The following COL2A1 variants were observed in gnomAD, a reference collection of about 807,000 sequenced individuals.
COL2A1 encodes collagen type II alpha 1 chain.
Under a neutral mutation model 204.5 loss-of-function variants are expected in COL2A1, and 28 were observed. The ratio of observed to expected loss-of-function variants is 0.14; its 90% CI spans 0.10 to 0.19. The LOEUF is 0.19. COL2A1 is among the 10% of genes least tolerant of loss of function. The pLI, the probability that COL2A1 is intolerant of heterozygous loss-of-function variation, is 1.00. For synonymous variants in COL2A1, 708 were observed against 718.7 expected (o/e 0.99, Z 0.24); for missense variants, 1,388 against 2,027.5 (o/e 0.68, Z 6.06).
At position 47,973,023 on chromosome 12, in the gene COL2A1, G is replaced by T; in HGVS notation, c.*384C>A. ...CAATTGATGTTTTAAAAAATACAGAGGTGTTTGACACAGAATAGCACCATT... is the reference window on the plus strand; with the variant it reads ...CAATTGATGTTTTAAAAAATACAGATGTGTTTGACACAGAATAGCACCATT... On this transcript the variant is annotated 3_prime_UTR_variant, in exon 54 of 54. Transcript: ENST00000380518. 2.0e-6 allele frequency: 1 copy of T among 510,966 alleles called. No individual in the cohort carries two copies. The highest frequency in any genetic ancestry group is 3.4e-6 in the Non-Finnish European group (1 of 291,126). The allele number at this position is 510,966 out of a possible 1,614,324, so 31.7% of individuals were successfully genotyped here.
At chr12:47,990,444 G>A (rs1256118226) in intron 16 of COL2A1, among the ~76,000 whole-genome samples, 1 of 152,206 alleles carries the variant, frequency 6.6e-6, no homozygotes, top group African/African-American at 2.4e-5. Context: ...AAACAGCGAG[G>A]CAACCATGTG....
chr12:47,974,474 C>T, intron 52 of COL2A1, 143 bp from the exon 53 acceptor site: 1 of 1,320,370 alleles, frequency 7.6e-7, no homozygotes. Flanking sequence ...TTTTTGCTTC[C>T]AGGAGTGGAG....
At chr12:47,997,954 G>A (rs757334782) in intron 5 of COL2A1, 30 bp from the exon 6 acceptor site, 1 of 1,614,174 alleles carries the variant, frequency 6.2e-7, no homozygotes, top group Non-Finnish European at 8.5e-7. Flanking sequence ...TAAGATGACA[G>A]CAAGGCCAGG....
In COL2A1 at chr12:48,004,436, G is replaced by C; in HGVS notation, c.-115C>G. On this transcript the variant is annotated 5_prime_UTR_variant, in exon 1 of 54. Transcript: ENST00000380518. ...CTCATGCAGGAGGCCCTTGGAGCAG[G>C]AGGGGGAAGCGGGAGACCCGGCAGC... is the stretch of plus-strand genomic sequence containing the variant. 1 of 621,700 alleles carries C rather than the reference G, an allele frequency of 1.6e-6. No individual in the cohort carries two copies. Among genetic ancestry groups the C allele is most frequent in the Non-Finnish European group, 2.8e-6 (1 of 351,510 alleles). 38.5% of individuals were successfully genotyped at this position (621,700 alleles called of 1,614,324 possible).
In COL2A1 at chr12:47,976,231, G is replaced by T. The variant is rs1264525895; in HGVS notation, c.3490-161C>A. On this transcript the variant is annotated intron_variant, in intron 49 of 53. Coordinates refer to ENST00000380518, the MANE Select transcript of COL2A1 (RefSeq NM_001844.5). The surrounding 1 kb of genome is among the most constrained non-coding windows in gnomAD (Gnocchi z 4.3). ...CCTAAGTTGGTCTCTATTTGGCCAAGAACCAGCAGGATAGCTCCATGGCTT... is the reference window on the plus strand; with the variant it reads ...CCTAAGTTGGTCTCTATTTGGCCAATAACCAGCAGGATAGCTCCATGGCTT... Among the ~76,000 whole-genome samples, 4 of 152,212 alleles carry T rather than the reference G, an allele frequency of 2.6e-5. No homozygotes were observed. Among genetic ancestry groups the T allele is most frequent in the African/African-American group, 9.6e-5 (4 of 41,454 alleles).
At position 47,980,108 on chromosome 12, in the gene COL2A1, G is replaced by A. The variant is rs548808976; in HGVS notation, c.2626-46C>T. 6.7e-6 allele frequency: 10 copies of A among 1,494,810 alleles called. No homozygotes were observed. The Admixed American group carries it at 1.8e-4, about 26-fold the overall frequency. The allele number at this position is 1,494,810 out of a possible 1,614,324, so 92.6% of individuals were successfully genotyped here. ...CAGTGAGGCCCAGTGGCCCAAGGAAGACGGTGGGCTTCTGTCTGAGCCCCA... is the reference window on the plus strand; with the variant it reads ...CAGTGAGGCCCAGTGGCCCAAGGAAAACGGTGGGCTTCTGTCTGAGCCCCA... On this transcript the variant is annotated intron_variant, in intron 39 of 53. Transcript: ENST00000380518. The surrounding 1 kb of genome is among the most constrained non-coding windows in gnomAD (Gnocchi z 4.5).
rs2136526561 is a variant in COL2A1 at position 47,978,364 on chromosome 12, G to T, written c.2930C>A (p.Ala977Asp). 1.9e-6 allele frequency: 3 copies of T among 1,614,068 alleles called. No homozygotes were observed. In the East Asian group the frequency reaches 6.7e-5, roughly 36 times the overall value. Residue 977 changes from alanine to aspartate, a missense_variant, in exon 43 of 54, where the codon GCT (alanine) becomes GAT (aspartate). By Grantham distance (126) the Ala-to-Asp change is moderately radical (BLOSUM62 -2). Coordinates refer to ENST00000380518, the MANE Select transcript of COL2A1 (RefSeq NM_001844.5). The surrounding 1 kb of genome is among the most constrained non-coding windows in gnomAD (Gnocchi z 5.5). Reference protein sequence around the residue: ...AEGPPGPQGLAGQRGIVGLPG... With the variant: ...AEGPPGPQGLDGQRGIVGLPG... ...CAGACCGACGATGCCTCTCTGACCA[G>T]CCAGACCCTGGGGACCTGGTGGACC...
chr12:48,003,559 G>A (rs551674469), intron 1 of COL2A1, among the ~76,000 whole-genome samples: 1 of 152,258 alleles, frequency 6.6e-6, no homozygotes, highest in South Asian at 2.1e-4. Flanking sequence ...CAGGCGGACG[G>A]AGGGAAGTCG....
chr12:47,984,281 C>G, intron 28 of COL2A1, 141 bp from the exon 29 acceptor site: 1 of 821,968 alleles, frequency 1.2e-6, no homozygotes. Context: ...CCACACCTTC[C>G]CCTCCCTTCC....
rs758882426 is a variant in COL2A1 at position 47,985,576 on chromosome 12, G to T, written c.1692C>A (p.Gly564=). The change falls in exon 26 of 54, where the codon GGC becomes GGA. Residue 564 remains glycine, a synonymous_variant. Transcript: ENST00000380518. ...CTTGAGGACCAGCATCACCAGGGCG[G>T]CCAGTGAGACCCTTTGTTCAGGAGA... is the stretch of plus-strand genomic sequence containing the variant. ...PGLPGARGLT[G]RPGDAGPQGK... 3.7e-6 allele frequency: 6 copies of T among 1,613,984 alleles called. 1 individual carries two copies.
rs1340394130 is a variant in COL2A1 at position 47,982,420 on chromosome 12, A to G, written c.2301+82T>C. The stretch of plus-strand genomic sequence containing the variant: ...ACAGAAACCTTCATCACCAGGTGCC[A>G]TAAGGGAACGGAAGCGATCACAAGG... On this transcript the variant is annotated intron_variant, in intron 34 of 53. Coordinates refer to ENST00000380518, the MANE Select transcript of COL2A1 (RefSeq NM_001844.5). The G allele has an allele frequency of 3.4e-6, 4 of 1,188,158 alleles. No individual in the cohort carries two copies. In the African/African-American group the frequency reaches 4.5e-5, roughly 13 times the overall value. The allele number at this position is 1,188,158 out of a possible 1,614,324, so 73.6% of individuals were successfully genotyped here. A position where few individuals can be genotyped will look rare whatever the true frequency, so the allele number is the denominator to read the frequency against.
intron 44 of COL2A1, 33 bp downstream of exon 44, chr12:47,977,977 A>G (rs369633282): frequency 4.9e-5 from 78 of 1,589,872 alleles, no homozygotes; most frequent in African/African-American, 3.8e-4. Flanking sequence ...CCTCTCCCCA[A>G]TCAGGGCCAC....
intron 37 of COL2A1, 98 bp downstream of exon 37, chr12:47,981,245 C>A: frequency 7.4e-7 from 1 of 1,344,346 alleles, no homozygotes; most frequent in South Asian, 1.2e-5. Context: ...TGGCAGCACA[C>A]AGGGCCACCA....
intron 16 of COL2A1, among the ~76,000 whole-genome samples, chr12:47,990,334 C>A (rs1939646165): frequency 1.3e-5 from 2 of 152,216 alleles, no homozygotes; most frequent in South Asian, 4.1e-4. Context: ...AAGCTTAAAT[C>A]ATTTTCTCTT....
chr12:47,997,609 A>C lies in COL2A1; in HGVS notation c.528T>G (p.Gly176=). The C allele has an allele frequency of 6.2e-7, 1 of 1,613,874 alleles. No individual in the cohort carries two copies. The highest frequency in any genetic ancestry group is 8.5e-7 in the Non-Finnish European group (1 of 1,179,976). Reference sequence around the variant, plus strand: ...AATGGGAAGTAAGGATACTTACTCCACCAAGACCAGGGGGACCAGGGGGGC... The same window carrying C: ...AATGGGAAGTAAGGATACTTACTCCCCCAAGACCAGGGGGACCAGGGGGGC... ...PPGPPGPPGL[G]GNFAAQMAGG... Residue 176 remains glycine (G), a synonymous_variant, in exon 7 of 54, where the codon GGT becomes GGG. Coordinates refer to ENST00000380518, the MANE Select transcript of COL2A1 (RefSeq NM_001844.5).
Position 47,996,599 on chromosome 12 carries a change from T to C in COL2A1, c.558A>G (p.Gly186=). The C allele has an allele frequency of 6.2e-7, 1 of 1,614,188 alleles. No homozygotes were observed. Among genetic ancestry groups the C allele is most frequent in the Non-Finnish European group, 8.5e-7 (1 of 1,180,020 alleles). The change falls in exon 8 of 54, where the codon GGA becomes GGG. Residue 186 remains glycine, a synonymous_variant. Transcript: ENST00000380518. Reference sequence around the variant, plus strand: ...GGGCGCCACCAGCCTTTTCATCAAATCCTCCAGCCATCTGGGCAGCAAAGT... The same window carrying C: ...GGGCGCCACCAGCCTTTTCATCAAACCCTCCAGCCATCTGGGCAGCAAAGT... ...GGNFAAQMAG[G]FDEKAGGAQL...
In COL2A1 at chr12:47,984,135, A is replaced by C; in HGVS notation, c.1893T>G (p.Leu631=). ...CACCTGTCTCACCATCTTTGCCAGG[A>C]AGACCCTAGACAGAAGAGAAAAAGA... ...GLPGAPGLRG[L]PGKDGETGAA... The change falls in exon 29 of 54, where the codon CTT becomes CTG. Residue 631 remains leucine, a synonymous_variant. Coordinates refer to ENST00000380518, the MANE Select transcript of COL2A1 (RefSeq NM_001844.5). The C allele has an allele frequency of 6.2e-7, 1 of 1,613,490 alleles. No homozygotes were observed. The highest frequency in any genetic ancestry group is 8.5e-7 in the Non-Finnish European group (1 of 1,179,812).
chr12:48,000,334 A>C (rs976017916), intron 1 of COL2A1, among the ~76,000 whole-genome samples: 11 of 152,178 alleles, frequency 7.2e-5, no homozygotes, highest in Middle Eastern at 3.2e-3. Flanking sequence ...TTTATTATGC[A>C]CCTTGCACCA....
At chr12:47,997,154 G>C (rs1400637132) in intron 7 of COL2A1, among the ~76,000 whole-genome samples, 2 of 152,244 alleles carry the variant, frequency 1.3e-5, no homozygotes, top group Non-Finnish European at 2.9e-5. Context: ...TTTGATTCCA[G>C]AATTGACTTT....
Sources: allele counts gnomAD v4.1 joint callset (sites outside exome capture counted in the v4.1 genomes callset), GRCh38; gene constraint gnomAD v4.1.1; non-coding constraint Gnocchi (gnomAD v3.1); transcripts MANE v1.5; gene names NCBI Gene and HGNC (gene_info 2026-07-23, HGNC 2026-07-21).